Variants in SGMS1 observed in about 807,000 individuals in gnomAD.
The protein encoded by SGMS1 is phosphatidylcholine:ceramide cholinephosphotransferase 1.
A neutral mutation model predicts 46.2 loss-of-function variants in SGMS1; 13 were observed. That is an observed-to-expected ratio of 0.28 (90% CI 0.18 to 0.45). SGMS1 has a LOEUF of 0.45. SGMS1 is among the 20% of genes least tolerant of loss of function. The probability of loss-of-function intolerance (pLI) is 1.00; values close to 1 mark genes in which losing one functional copy is unlikely to be tolerated. For synonymous variants in SGMS1, 203 were observed against 187.8 expected (o/e 1.08, Z -0.66); for missense variants, 324 against 519.9 (o/e 0.62, Z 3.66).
chr10:50,449,974 A>G (rs1837083279), intron 5 of SGMS1, among the ~76,000 whole-genome samples: 1 of 152,178 alleles, frequency 6.6e-6, no homozygotes, highest in Non-Finnish European at 1.5e-5. Flanking sequence ...AGGTCCCTGC[A>G]AGATTCCAGG....
At chr10:50,582,234 A>C (rs781470506) in intron 2 of SGMS1, among the ~76,000 whole-genome samples, 1 of 152,210 alleles carries the variant, frequency 6.6e-6, no homozygotes, top group Non-Finnish European at 1.5e-5. Flanking sequence ...AAATAATACA[A>C]AGAAATCACT....
intron 7 of SGMS1, among the ~76,000 whole-genome samples, chr10:50,329,458 C>T (rs1011147489): frequency 6.6e-6 from 1 of 152,162 alleles, no homozygotes; most frequent in Non-Finnish European, 1.5e-5. Context: ...TAAGAATTTT[C>T]TGCTCTTTGG....
intron 6 of SGMS1, among the ~76,000 whole-genome samples, chr10:50,422,967 T>G (rs1849275423): frequency 6.6e-6 from 1 of 152,250 alleles, no homozygotes; most frequent in African/African-American, 2.4e-5. Flanking sequence ...CTCAAAAGGC[T>G]GTGTCTGTCC....
In SGMS1 at chr10:50,548,858, G is replaced by GA. The variant is rs201172721; in HGVS notation, c.-588-28938dup. 6.8e-3 allele frequency among the ~76,000 whole-genome samples: 1,019 copies of GA among 149,088 alleles called. 10 individuals carry two copies. Among genetic ancestry groups the GA allele is most frequent in the African/African-American group, 0.021 (867 of 40,622 alleles). On this transcript the variant is annotated intron_variant, in intron 2 of 10. Transcript: ENST00000361781. ...GTCTACAAGGAACTTAAATTTACAA[G>GA]AAAAAAAAACCATTAAAAAGTGGGT...
intron 6 of SGMS1, among the ~76,000 whole-genome samples, chr10:50,373,752 G>A (rs1289152477): frequency 6.6e-6 from 1 of 152,058 alleles, no homozygotes; most frequent in East Asian, 1.9e-4. Context: ...CAGTACAAGA[G>A]GTAAAAATCT....
intron 6 of SGMS1, among the ~76,000 whole-genome samples, chr10:50,381,917 G>A (rs1848612758): frequency 6.6e-6 from 1 of 152,194 alleles, no homozygotes; most frequent in South Asian, 2.1e-4. Context: ...CTAAACGTCA[G>A]TATCTTTTTG....
intron 5 of SGMS1, among the ~76,000 whole-genome samples, chr10:50,436,657 T>C (rs1437954802): frequency 6.6e-6 from 1 of 152,192 alleles, no homozygotes; most frequent in East Asian, 1.9e-4. Flanking sequence ...CTGGCTCCTT[T>C]TCTGAATGTT....
At chr10:50,612,347 T>C (rs770232478) in intron 1 of SGMS1, among the ~76,000 whole-genome samples, 5 of 152,232 alleles carry the variant, frequency 3.3e-5, no homozygotes, top group Non-Finnish European at 5.9e-5. Flanking sequence ...GAATATCCAT[T>C]ACAACCTGGG....
Position 50,542,647 on chromosome 10 carries a change from G to GCACA in SGMS1, c.-588-22730_-588-22727dup, listed in dbSNP as rs10678352. Among the ~76,000 whole-genome samples, 271 of 148,570 alleles carry GCACA rather than the reference G, an allele frequency of 1.8e-3. 1 individual carries two copies. Among genetic ancestry groups the GCACA allele is most frequent in the African/African-American group, 6.2e-3 (251 of 40,732 alleles). On this transcript the variant is annotated intron_variant, in intron 2 of 10. Coordinates refer to ENST00000361781, the MANE Select transcript of SGMS1 (RefSeq NM_147156.4). The stretch of plus-strand genomic sequence containing the variant: ...AGAGAAGGTATACACACACACACAT[G>GCACA]CACACACACACATATACAGAAATGC...
intron 2 of SGMS1, among the ~76,000 whole-genome samples, chr10:50,573,812 G>A (rs760273573): frequency 4.6e-5 from 7 of 152,084 alleles, no homozygotes; most frequent in Non-Finnish European, 1.0e-4. Flanking sequence ...TATGGTACTG[G>A]CATAAAGATA....
At chr10:50,415,645 G>A (rs544568025) in intron 6 of SGMS1, among the ~76,000 whole-genome samples, 2 of 152,170 alleles carry the variant, frequency 1.3e-5, no homozygotes, top group Non-Finnish European at 2.9e-5. Flanking sequence ...CTTCGATGAA[G>A]GTGGCATTAT....
chr10:50,447,601 T>C (rs1837038057), intron 5 of SGMS1, among the ~76,000 whole-genome samples: 1 of 152,160 alleles, frequency 6.6e-6, no homozygotes, highest in African/African-American at 2.4e-5. Flanking sequence ...ATATAACCCA[T>C]ATTGTTTCTG....
intron 6 of SGMS1, among the ~76,000 whole-genome samples, chr10:50,389,838 T>G (rs1308831197): frequency 6.6e-6 from 1 of 152,220 alleles, no homozygotes; most frequent in East Asian, 1.9e-4. Context: ...AATAAACTGT[T>G]CCTAAGCAAT....
At chr10:50,474,190 C>A (rs1431788925) in intron 3 of SGMS1, 1 of 152,132 alleles carries the variant, frequency 6.6e-6, no homozygotes, top group Non-Finnish European at 1.5e-5. Context: ...ATGATAGCAA[C>A]CTAAGTTAAA....
intron 2 of SGMS1, among the ~76,000 whole-genome samples, chr10:50,541,501 T>C (rs1838051916): frequency 6.6e-6 from 1 of 152,218 alleles, no homozygotes; most frequent in African/African-American, 2.4e-5. Flanking sequence ...AGGCTCTGTC[T>C]TCATGATGAC....
intron 6 of SGMS1, among the ~76,000 whole-genome samples, chr10:50,413,446 G>A (rs61856778): frequency 0.19 from 28,793 of 152,202 alleles, 2,945 homozygotes; most frequent in Admixed American, 0.23. Context: ...TGGTGATTTC[G>A]TTAAAGCAAA....
At chr10:50,348,925 G>A (rs143564133) in intron 6 of SGMS1, among the ~76,000 whole-genome samples, 1,818 of 152,234 alleles carry the variant, frequency 0.012, 33 homozygotes, top group African/African-American at 0.041. Flanking sequence ...TATACTACAA[G>A]GCTACAGTAA....
At chr10:50,506,197 G>A (rs1189444928) in intron 3 of SGMS1, among the ~76,000 whole-genome samples, 2 of 152,062 alleles carry the variant, frequency 1.3e-5, no homozygotes, top group Non-Finnish European at 2.9e-5. Flanking sequence ...ACTACACTCT[G>A]TACTTCTCCC....
At chr10:50,524,618 A>G (rs1364852786) in intron 2 of SGMS1, among the ~76,000 whole-genome samples, 1 of 152,216 alleles carries the variant, frequency 6.6e-6, no homozygotes, top group Non-Finnish European at 1.5e-5. Context: ...ATTTAGTGCT[A>G]CTACTAAGTC....
Sources: allele counts gnomAD v4.1 joint callset (sites outside exome capture counted in the v4.1 genomes callset), GRCh38; gene constraint gnomAD v4.1.1; transcripts MANE v1.5; gene names NCBI Gene and HGNC (gene_info 2026-07-23, HGNC 2026-07-21).